TSPAN5: variants seen among roughly 807,000 people sequenced by gnomAD.
TSPAN5 encodes the protein tetraspanin-5.
TSPAN5 carries 10 observed loss-of-function variants against 37.1 expected under a neutral mutation model. That is an observed-to-expected ratio of 0.27 (90% CI 0.17 to 0.46). The LOEUF (loss-of-function observed/expected upper bound fraction) is 0.46. TSPAN5 is among the 20% of genes least tolerant of loss of function. The probability of loss-of-function intolerance (pLI) is 1.00; values close to 1 mark genes in which losing one functional copy is unlikely to be tolerated. For synonymous variants in TSPAN5, 110 were observed against 118.9 expected (o/e 0.93, Z 0.48); for missense variants, 195 against 326.6 (o/e 0.60, Z 3.11).
chr4:98,487,293 A>AG (rs1338071902), intron 2 of TSPAN5, among the ~76,000 whole-genome samples: 2 of 151,990 alleles, frequency 1.3e-5, no homozygotes, highest in Non-Finnish European at 2.9e-5. Context: ...AGACCCTGTA[A>AG]GGAGAAGACG....
At chr4:98,562,522 G>A (rs765599937) in intron 1 of TSPAN5, among the ~76,000 whole-genome samples, 6 of 152,078 alleles carry the variant, frequency 3.9e-5, no homozygotes, top group African/African-American at 1.2e-4. Context: ...TTAGTTGGGC[G>A]TGGTGGGGCA....
At chr4:98,563,248 G>A (rs1192364739) in intron 1 of TSPAN5, among the ~76,000 whole-genome samples, 5 of 152,108 alleles carry the variant, frequency 3.3e-5, no homozygotes, top group Admixed American at 2.6e-4. Context: ...GAGGGAAAGA[G>A]AAGAAACCGG....
At chr4:98,603,708 T>C (rs752569271) in intron 1 of TSPAN5, among the ~76,000 whole-genome samples, 15 of 152,184 alleles carry the variant, frequency 9.9e-5, no homozygotes, top group African/African-American at 2.2e-4. Flanking sequence ...TCTCAAACAA[T>C]ATAAATTTAA....
intron 1 of TSPAN5, among the ~76,000 whole-genome samples, chr4:98,570,093 T>A (rs529715453): frequency 6.6e-6 from 1 of 152,226 alleles, no homozygotes; most frequent in African/African-American, 2.4e-5. Context: ...CCAAAGGAAA[T>A]CAATTTTCTT....
chr4:98,567,467 C>T (rs1292187650), intron 1 of TSPAN5, among the ~76,000 whole-genome samples: 2 of 152,222 alleles, frequency 1.3e-5, no homozygotes, highest in African/African-American at 4.8e-5. Context: ...AAACCAGGCA[C>T]ATCTAACCAT....
At chr4:98,577,756 C>G (rs1036269048) in intron 1 of TSPAN5, among the ~76,000 whole-genome samples, 1 of 152,204 alleles carries the variant, frequency 6.6e-6, no homozygotes, top group Non-Finnish European at 1.5e-5. Context: ...CTGCTATTCA[C>G]TGGCTGTGTC....
intron 1 of TSPAN5, among the ~76,000 whole-genome samples, chr4:98,533,314 G>T (rs570840916): frequency 3.9e-5 from 6 of 152,002 alleles, no homozygotes; most frequent in African/African-American, 1.4e-4. Flanking sequence ...GAATCCATCT[G>T]GTCCTGGACA....
intron 2 of TSPAN5, among the ~76,000 whole-genome samples, chr4:98,489,976 C>T (rs1014243402): frequency 2.6e-5 from 4 of 152,134 alleles, no homozygotes; most frequent in Non-Finnish European, 5.9e-5. Flanking sequence ...TACGGGATTC[C>T]CCAACAGGGT....
intron 1 of TSPAN5, among the ~76,000 whole-genome samples, chr4:98,546,818 G>A (rs762609641): frequency 3.9e-4 from 59 of 152,168 alleles, no homozygotes; most frequent in Admixed American, 5.9e-4. Flanking sequence ...TTCCCTAAGA[G>A]GGCTTTTTTC....
chr4:98,505,897 T>A (rs62323584), intron 2 of TSPAN5, among the ~76,000 whole-genome samples: 1 of 152,210 alleles, frequency 6.6e-6, no homozygotes, highest in East Asian at 1.9e-4. Context: ...ATCTTGATGG[T>A]GGCCCTTACA....
chr4:98,643,850 G>T (rs1757007474), intron 1 of TSPAN5, among the ~76,000 whole-genome samples: 1 of 152,194 alleles, frequency 6.6e-6, no homozygotes, highest in Non-Finnish European at 1.5e-5. Flanking sequence ...TTCCAGTTAT[G>T]AGATTAAAAA....
intron 1 of TSPAN5, among the ~76,000 whole-genome samples, chr4:98,586,552 T>G (rs755884299): frequency 1.3e-5 from 2 of 152,234 alleles, no homozygotes; most frequent in Non-Finnish European, 2.9e-5. Flanking sequence ...GATTAAACCC[T>G]TCTATTCTTT....
At chr4:98,612,709 CT>C (rs201130559) in intron 1 of TSPAN5, among the ~76,000 whole-genome samples, 2,364 of 152,320 alleles carry the variant, frequency 0.016, 45 homozygotes, top group African/African-American at 0.055. Flanking sequence ...GCTCCCCCCG[CT>C]CCCCTATCTC....
At chr4:98,480,387 T>C (rs1323951451) in intron 4 of TSPAN5, among the ~76,000 whole-genome samples, 2 of 152,214 alleles carry the variant, frequency 1.3e-5, no homozygotes, top group Non-Finnish European at 2.9e-5. Flanking sequence ...TTTTCAACTT[T>C]AAAAAGTCAG....
At position 98,471,750 on chromosome 4, in the gene TSPAN5, C is replaced by G. The variant is rs1752588440; in HGVS notation, c.*772G>C. 6.6e-6 allele frequency: 1 copy of G among 152,170 alleles called. No homozygotes were observed. The highest frequency in any genetic ancestry group is 1.5e-5 in the Non-Finnish European group (1 of 68,032). 9.4% of individuals were successfully genotyped at this position (152,170 alleles called of 1,614,324 possible). A position where few individuals can be genotyped will look rare whatever the true frequency, so the allele number is the denominator to read the frequency against. On this transcript the variant is annotated 3_prime_UTR_variant, in exon 8 of 8. Coordinates refer to ENST00000305798, the MANE Select transcript of TSPAN5 (RefSeq NM_005723.4). Reference sequence around the variant, plus strand: ...AGGGTGAGAAGAAGGGGATATTTAACTGATACCTCTTCATTAACCTCATTT... The same window carrying G: ...AGGGTGAGAAGAAGGGGATATTTAAGTGATACCTCTTCATTAACCTCATTT...
intron 1 of TSPAN5, among the ~76,000 whole-genome samples, chr4:98,598,662 A>T (rs904644776): frequency 6.6e-6 from 1 of 151,998 alleles, no homozygotes; most frequent in African/African-American, 2.4e-5. Context: ...GGGTTTCACC[A>T]TGTTGCCCAG....
intron 1 of TSPAN5, among the ~76,000 whole-genome samples, chr4:98,590,177 C>T (rs376587510): frequency 3.2e-4 from 48 of 152,288 alleles, no homozygotes; most frequent in African/African-American, 9.6e-4. Flanking sequence ...CTCTTATCAT[C>T]TGATTCTCAT....
At chr4:98,598,556 C>G (rs531586665) in intron 1 of TSPAN5, among the ~76,000 whole-genome samples, 1 of 152,104 alleles carries the variant, frequency 6.6e-6, no homozygotes, top group South Asian at 2.1e-4. Context: ...CCTCCACCTC[C>G]CGGGCTCAAG....
At chr4:98,531,254 G>T (rs1754079614) in intron 1 of TSPAN5, among the ~76,000 whole-genome samples, 1 of 151,924 alleles carries the variant, frequency 6.6e-6, no homozygotes, top group South Asian at 2.1e-4. Context: ...AGTATGTGAT[G>T]TTCCCTTCCC....
Sources: gnomAD v4.1 joint callset for allele counts (sites outside exome capture counted in the v4.1 genomes callset) on GRCh38, gnomAD v4.1.1 for gene constraint, MANE v1.5 for transcripts, NCBI Gene and HGNC (gene_info 2026-07-23, HGNC 2026-07-21) for gene names.